UNC13C: variants seen among roughly 807,000 people sequenced by gnomAD.
UNC13C encodes protein unc-13 homolog C.
Under a neutral mutation model 245.4 loss-of-function variants are expected in UNC13C, and 174 were observed. The observed-to-expected ratio is 0.71, with a 90% CI of 0.63 to 0.80. The LOEUF (loss-of-function observed/expected upper bound fraction) is 0.80. UNC13C is among the 30% of genes least tolerant of loss of function. UNC13C has a pLI of 0.00. For missense variants in UNC13C, 2,829 were observed against 2,602.9 expected, an observed-to-expected ratio of 1.09 and a Z score of -1.89; for synonymous variants, 992 against 895.1, an observed-to-expected ratio of 1.11 and a Z score of -1.93.
chr15:54,142,527 T>C (rs1410361041), intron 2 of UNC13C, among the ~76,000 whole-genome samples: 1 of 152,204 alleles, frequency 6.6e-6, no homozygotes, highest in Admixed American at 6.5e-5. Context: ...ATATAAACTC[T>C]TAATAAAACA....
At chr15:54,149,582 A>G (rs2032428828) in intron 4 of UNC13C, among the ~76,000 whole-genome samples, 1 of 152,176 alleles carries the variant, frequency 6.6e-6, no homozygotes, top group African/African-American at 2.4e-5. Flanking sequence ...TCTGAGACTG[A>G]TCTTCTAACC....
chr15:54,094,557 T>C (rs1199013197), intron 2 of UNC13C, among the ~76,000 whole-genome samples: 1 of 152,168 alleles, frequency 6.6e-6, no homozygotes, highest in East Asian at 1.9e-4. Context: ...CTGTTTGTCT[T>C]CTACTGCCCC....
intron 7 of UNC13C, among the ~76,000 whole-genome samples, chr15:54,244,353 C>T (rs191920287): frequency 4.7e-4 from 71 of 152,248 alleles, no homozygotes; most frequent in African/African-American, 1.5e-3. Context: ...ATACCAGTAC[C>T]GTGCTGTTTT....
chr15:54,486,147 T>A (rs1893391686), intron 19 of UNC13C, among the ~76,000 whole-genome samples: 2 of 151,862 alleles, frequency 1.3e-5, no homozygotes, highest in Non-Finnish European at 2.9e-5. Flanking sequence ...TGGTGGCTCA[T>A]GCCCATAATC....
intron 2 of UNC13C, among the ~76,000 whole-genome samples, chr15:54,046,159 G>C (rs924805628): frequency 2.0e-5 from 3 of 152,080 alleles, no homozygotes; most frequent in Non-Finnish European, 4.4e-5. Flanking sequence ...ATGTAACAAA[G>C]TTTAATCCTG....
intron 16 of UNC13C, among the ~76,000 whole-genome samples, chr15:54,335,066 G>A (rs976946918): frequency 1.3e-5 from 2 of 151,928 alleles, no homozygotes; most frequent in Admixed American, 1.3e-4. Flanking sequence ...GTACTTCCTT[G>A]TATGTGTCCA....
intron 17 of UNC13C, among the ~76,000 whole-genome samples, chr15:54,350,080 C>G (rs2140839738): frequency 6.6e-6 from 1 of 152,250 alleles, no homozygotes; most frequent in South Asian, 2.1e-4. Context: ...CAAGCTCCGC[C>G]TCCTGGCTTC....
intron 19 of UNC13C, among the ~76,000 whole-genome samples, chr15:54,489,538 G>A (rs923440839): frequency 6.6e-6 from 1 of 152,138 alleles, no homozygotes; most frequent in Non-Finnish European, 1.5e-5. Flanking sequence ...GAAAGAAGCA[G>A]GAAATTAGAA....
the UNC13C span, among the ~76,000 whole-genome samples, chr15:53,946,913 AT>A: frequency 6.6e-6 from 1 of 151,938 alleles, no homozygotes; most frequent in Non-Finnish European, 1.5e-5. Flanking sequence ...TTTGTTGAGG[AT>A]TTTTGCATTA....
chr15:53,967,235 A>AT, the UNC13C span, among the ~76,000 whole-genome samples: 12 of 150,656 alleles, frequency 8.0e-5, no homozygotes, highest in South Asian at 8.4e-4. Flanking sequence ...TCATATACTC[A>AT]TTTTTTTTCC....
chr15:53,998,513 T>C (rs1054716627), intron 1 of UNC13C, among the ~76,000 whole-genome samples: 4 of 152,138 alleles, frequency 2.6e-5, no homozygotes, highest in Non-Finnish European at 4.4e-5. Flanking sequence ...TTTATACTTA[T>C]TTTGAAGATT....
At chr15:54,578,821 G>A (rs1040257294) in intron 30 of UNC13C, among the ~76,000 whole-genome samples, 7 of 152,278 alleles carry the variant, frequency 4.6e-5, no homozygotes, top group South Asian at 2.1e-4. Context: ...CCTGGCCAAC[G>A]TGGTGAAACT....
At chr15:54,056,728 G>C (rs897097073) in intron 2 of UNC13C, among the ~76,000 whole-genome samples, 9 of 152,220 alleles carry the variant, frequency 5.9e-5, no homozygotes, top group African/African-American at 1.7e-4. Context: ...GGGTTACCCA[G>C]AAAGGGAAGC....
chr15:54,435,386 T>A (rs916620289), intron 19 of UNC13C, among the ~76,000 whole-genome samples: 1 of 152,058 alleles, frequency 6.6e-6, no homozygotes, highest in African/African-American at 2.4e-5. Context: ...CACCATGGAA[T>A]ACATACAGCC....
intron 5 of UNC13C, among the ~76,000 whole-genome samples, chr15:54,235,337 T>G (rs1012186949): frequency 3.3e-5 from 5 of 152,160 alleles, no homozygotes; most frequent in African/African-American, 9.7e-5. Flanking sequence ...AAATTACAAT[T>G]AAGTGACTAT....
chr15:54,437,169 G>T (rs796885296), intron 19 of UNC13C, among the ~76,000 whole-genome samples: 1 of 151,808 alleles, frequency 6.6e-6, no homozygotes, highest in African/African-American at 2.4e-5. Context: ...ACTGGTCACC[G>T]TTTTGCCTCA....
At chr15:54,279,843 A>G (rs527678167) in intron 10 of UNC13C, among the ~76,000 whole-genome samples, 2 of 152,320 alleles carry the variant, frequency 1.3e-5, no homozygotes, top group South Asian at 2.1e-4. Flanking sequence ...AAAGTATTGC[A>G]TGAATATTTA....
the UNC13C span, among the ~76,000 whole-genome samples, chr15:53,971,800 C>T: frequency 6.6e-6 from 1 of 152,106 alleles, no homozygotes; most frequent in Non-Finnish European, 1.5e-5. Context: ...AGGTAAGTAT[C>T]TCTTCCTCTA....
At chr15:54,290,982 T>A (rs141119307) in intron 10 of UNC13C, among the ~76,000 whole-genome samples, 2 of 152,208 alleles carry the variant, frequency 1.3e-5, no homozygotes, top group Non-Finnish European at 2.9e-5. Flanking sequence ...AAGTTTAAGA[T>A]GATAACTGTA....
Sources: gnomAD v4.1 joint callset for allele counts (sites outside exome capture counted in the v4.1 genomes callset) on GRCh38, gnomAD v4.1.1 for gene constraint, MANE v1.5 for transcripts, NCBI Gene and HGNC (gene_info 2026-07-23, HGNC 2026-07-21) for gene names.